PTPRD: variants seen among roughly 807,000 people sequenced by gnomAD.
PTPRD encodes the protein receptor-type tyrosine-protein phosphatase delta.
Under a neutral mutation model 214.5 loss-of-function variants are expected in PTPRD, and 34 were observed. That is an observed-to-expected ratio of 0.16 (90% CI 0.12 to 0.21). PTPRD has a LOEUF of 0.21. PTPRD is among the 10% of genes least tolerant of loss of function. The probability of loss-of-function intolerance (pLI) is 1.00; values close to 1 mark genes in which losing one functional copy is unlikely to be tolerated. For missense variants in PTPRD, 2,545 were observed against 2,398.7 expected (o/e 1.06, Z -1.27); for synonymous variants, 1,128 against 845.7 (o/e 1.33, Z -5.79).
chr9:10,291,140 C>A (rs1473877616), intron 3 of PTPRD, among the ~76,000 whole-genome samples: 2 of 150,900 alleles, frequency 1.3e-5, no homozygotes, highest in East Asian at 3.9e-4. Context: ...AGAAAGGTTT[C>A]TTCAGTGATA....
At chr9:9,801,759 A>T (rs1225162105) in intron 5 of PTPRD, among the ~76,000 whole-genome samples, 1 of 152,074 alleles carries the variant, frequency 6.6e-6, no homozygotes. Context: ...AAACAGGAGG[A>T]TACTAATTAA....
chr9:9,950,952 C>G (rs2093398944), intron 4 of PTPRD, among the ~76,000 whole-genome samples: 3 of 152,060 alleles, frequency 2.0e-5, no homozygotes. Flanking sequence ...GGCATAGCAG[C>G]AGAAAGCTGA....
chr9:9,555,960 T>C (rs1311550869), intron 8 of PTPRD, among the ~76,000 whole-genome samples: 1 of 152,124 alleles, frequency 6.6e-6, no homozygotes, highest in Non-Finnish European at 1.5e-5. Context: ...TTTTTGTGTC[T>C]TAAATTACTC....
chr9:10,432,416 C>T (rs2098688822), intron 2 of PTPRD, among the ~76,000 whole-genome samples: 1 of 151,488 alleles, frequency 6.6e-6, no homozygotes, highest in Non-Finnish European at 1.5e-5. Flanking sequence ...TGCACATGTA[C>T]CCTAAAACTT....
chr9:8,321,458 T>C (rs1488959089), intron 44 of PTPRD, among the ~76,000 whole-genome samples: 2 of 86,846 alleles, frequency 2.3e-5, no homozygotes, highest in Non-Finnish European at 4.0e-5. Flanking sequence ...ATAGAAGTCT[T>C]CTTTGTGTGT....
intron 34 of PTPRD, among the ~76,000 whole-genome samples, chr9:8,440,289 G>C (rs541711455): frequency 1.3e-5 from 2 of 151,318 alleles, no homozygotes; most frequent in Non-Finnish European, 2.9e-5. Context: ...TCATCAGTTA[G>C]AAGCTACAAA....
chr9:8,468,885 C>A (rs551610693), intron 31 of PTPRD, among the ~76,000 whole-genome samples: 1 of 150,698 alleles, frequency 6.6e-6, no homozygotes, highest in South Asian at 2.1e-4. Context: ...TTCATTTGTT[C>A]CCCTCCACAA....
chr9:9,393,525 C>T (rs1452121739), intron 9 of PTPRD, among the ~76,000 whole-genome samples: 1 of 152,166 alleles, frequency 6.6e-6, no homozygotes, highest in Non-Finnish European at 1.5e-5. Flanking sequence ...CATGAGATCC[C>T]TATTGACACT....
chr9:10,247,774 T>C (rs1327033326), intron 3 of PTPRD, among the ~76,000 whole-genome samples: 5 of 152,116 alleles, frequency 3.3e-5, no homozygotes, highest in East Asian at 1.9e-4. Context: ...AAGAGGATTA[T>C]GTCCCTGATG....
intron 12 of PTPRD, among the ~76,000 whole-genome samples, chr9:8,642,386 G>T (rs71507657): frequency 0.03 from 4,540 of 152,252 alleles, 100 homozygotes; most frequent in South Asian, 0.049. Flanking sequence ...AGGGCTGTTT[G>T]TCATAACAAT....
At chr9:10,504,968 G>A (rs2045409497) in intron 2 of PTPRD, among the ~76,000 whole-genome samples, 1 of 152,068 alleles carries the variant, frequency 6.6e-6, no homozygotes, top group Non-Finnish European at 1.5e-5. Context: ...CTACAACATT[G>A]GCTCTACATA....
intron 9 of PTPRD, among the ~76,000 whole-genome samples, chr9:9,211,511 G>T (rs911358522): frequency 9.3e-6 from 1 of 107,846 alleles, no homozygotes; most frequent in Non-Finnish European, 2.0e-5. Context: ...CCCAGTGTGC[G>T]CACGCACACA....
intron 33 of PTPRD, among the ~76,000 whole-genome samples, chr9:8,450,205 C>T (rs2095880316): frequency 6.6e-6 from 1 of 152,090 alleles, no homozygotes; most frequent in Admixed American, 6.5e-5. Context: ...CCCTAAGTTG[C>T]CAATACTAAG....
intron 9 of PTPRD, among the ~76,000 whole-genome samples, chr9:9,322,439 A>G (rs569882098): frequency 1.3e-5 from 2 of 152,218 alleles, no homozygotes; most frequent in African/African-American, 4.8e-5. Context: ...TTTCCAAGTC[A>G]CGTAGCTAGT....
At chr9:10,282,042 C>T (rs1376151531) in intron 3 of PTPRD, among the ~76,000 whole-genome samples, 2 of 150,320 alleles carry the variant, frequency 1.3e-5, no homozygotes, top group African/African-American at 2.4e-5. Context: ...TAGGAATCAG[C>T]TAATTTTCCA....
Position 8,352,476 on chromosome 9 carries a change from T to C in PTPRD, c.4662-10498A>G, listed in dbSNP as rs533206994. ...AAATTCTGTTTAGAGTGATACAAAA[T>C]TGCCCACTTTTTGAAAGAGGAGACA... is the stretch of plus-strand genomic sequence containing the variant. On this transcript the variant is annotated intron_variant, in intron 39 of 45. Coordinates refer to ENST00000381196, the MANE Select transcript of PTPRD (RefSeq NM_002839.4). Among the ~76,000 whole-genome samples, 5 of 152,228 alleles carry C rather than the reference T, an allele frequency of 3.3e-5. No individual in the cohort carries two copies. In the South Asian group the frequency reaches 8.3e-4, roughly 25 times the overall value.
At chr9:9,672,026 T>A (rs2096841393) in intron 7 of PTPRD, among the ~76,000 whole-genome samples, 1 of 152,156 alleles carries the variant, frequency 6.6e-6, no homozygotes, top group African/African-American at 2.4e-5. Context: ...AGGGATGCAT[T>A]TGAGAGAATG....
chr9:10,488,103 C>T (rs903560880), intron 2 of PTPRD, among the ~76,000 whole-genome samples: 15 of 151,618 alleles, frequency 9.9e-5, no homozygotes, highest in East Asian at 2.0e-4. Flanking sequence ...CATGGTGGCT[C>T]GCGCCTGTAA....
chr9:9,518,266 A>C (rs1569568962), intron 8 of PTPRD, among the ~76,000 whole-genome samples: 1 of 152,114 alleles, frequency 6.6e-6, no homozygotes, highest in African/African-American at 2.4e-5. Context: ...TAATGTTAAC[A>C]AGCATAAACT....
Sources: allele counts gnomAD v4.1 joint callset (sites outside exome capture counted in the v4.1 genomes callset), GRCh38; gene constraint gnomAD v4.1.1; transcripts MANE v1.5; gene names NCBI Gene and HGNC (gene_info 2026-07-23, HGNC 2026-07-21).